Variants in HMGXB3 observed in about 807,000 individuals in gnomAD.
HMGXB3 encodes the protein HMG domain-containing protein 3.
Under a neutral mutation model 121.5 loss-of-function variants are expected in HMGXB3, and 45 were observed. That is an observed-to-expected ratio of 0.37 (90% CI 0.29 to 0.47). The LOEUF is 0.47. Among genes scored for constraint, HMGXB3 ranks in the 20% least tolerant of loss-of-function variants. The probability of loss-of-function intolerance (pLI) is 0.99; values close to 1 mark genes in which losing one functional copy is unlikely to be tolerated. For missense variants in HMGXB3, 1,376 were observed against 1,602.2 expected, an observed-to-expected ratio of 0.86 and a Z score of 2.41; for synonymous variants, 590 against 624.1, an observed-to-expected ratio of 0.95 and a Z score of 0.81.
intron 6 of HMGXB3, chr5:150,021,904 G>A (rs867220788): frequency 3.4e-5 from 17 of 507,094 alleles, no homozygotes; most frequent in African/African-American, 1.9e-4. Flanking sequence ...GTGTTTTTCC[G>A]GTGTCTTTAA....
intron 13 of HMGXB3, among the ~76,000 whole-genome samples, chr5:150,040,038 A>G (rs572767250): frequency 6.6e-6 from 1 of 152,356 alleles, no homozygotes; most frequent in East Asian, 1.9e-4. Flanking sequence ...CATGAGCTAA[A>G]GGATGCTCCT....
Position 150,052,172 on chromosome 5 carries a change from G to A in HMGXB3, c.3859G>A (p.Val1287Met), listed in dbSNP as rs758779104. The A allele has an allele frequency of 1.3e-6, 2 of 1,545,728 alleles. No individual in the cohort carries two copies. The highest frequency in any genetic ancestry group is 8.7e-7 in the Non-Finnish European group (1 of 1,143,572). The change falls in exon 20 of 20, where the codon GTG becomes ATG. Residue 1287 changes from valine (V) to methionine (M), a missense_variant. Transcript: ENST00000502717. ...AGAGGAGGAGGGTGAGGAAGAGGAG[G>A]TGGCCGCAGTGGCAGAATAAGCCAG... Reference protein sequence around the residue: ...ETEEEGEEEEVAAVAE With the variant: ...ETEEEGEEEEMAAVAE
chr5:150,016,507 C>T (rs924268345), intron 5 of HMGXB3, among the ~76,000 whole-genome samples: 3 of 152,184 alleles, frequency 2.0e-5, no homozygotes, highest in Non-Finnish European at 2.9e-5. Flanking sequence ...TTTGTTATTA[C>T]AAAATGACCT....
At chr5:150,046,102 G>A (rs891189281) in intron 16 of HMGXB3, among the ~76,000 whole-genome samples, 8 of 152,294 alleles carry the variant, frequency 5.3e-5, no homozygotes, top group South Asian at 4.1e-4. Context: ...CTGGACTAGC[G>A]GGTAAGAGGA....
intron 16 of HMGXB3, among the ~76,000 whole-genome samples, chr5:150,046,388 T>G (rs538777422): frequency 4.3e-4 from 65 of 152,318 alleles, no homozygotes; most frequent in African/African-American, 1.5e-3. Context: ...TGAAACAACA[T>G]TCCCAAAACA....
At chr5:150,027,169 T>A (rs553755783) in intron 9 of HMGXB3, 52 bp downstream of exon 9, 31 of 1,448,844 alleles carry the variant, frequency 2.1e-5, no homozygotes, top group Non-Finnish European at 2.8e-5. Context: ...GCTGCTTCCA[T>A]GTAATGTATC....
At chr5:150,031,230 C>T (rs1024210476) in intron 10 of HMGXB3, among the ~76,000 whole-genome samples, 8 of 152,180 alleles carry the variant, frequency 5.3e-5, no homozygotes, top group African/African-American at 9.7e-5. Context: ...CAGTTCAACA[C>T]GAGTATCTTA....
intron 6 of HMGXB3, among the ~76,000 whole-genome samples, chr5:150,023,525 C>T (rs1481819105): frequency 1.3e-5 from 2 of 152,166 alleles, no homozygotes; most frequent in African/African-American, 4.8e-5. Flanking sequence ...TATTTAAAAA[C>T]ATTTTTAAAA....
rs115789020 is a variant in HMGXB3, at chr5:150,051,580, C to T, written c.3412-145C>T. 301 of 636,168 alleles carry T rather than the reference C, an allele frequency of 4.7e-4. 1 individual carries two copies. Among genetic ancestry groups the T allele is most frequent in the African/African-American group, 4.1e-3 (225 of 54,690 alleles). 39.4% of individuals were successfully genotyped at this position (636,168 alleles called of 1,614,324 possible). On this transcript the variant is annotated intron_variant, in intron 19 of 19. Coordinates refer to ENST00000502717, the MANE Select transcript of HMGXB3 (RefSeq NM_014983.3). ...TCACATGAGGAAATGGAGGCACTGG[C>T]GGGCAGGGGTTGGCCTAGGAGACAC... is the stretch of plus-strand genomic sequence containing the variant.
At chr5:150,051,268 T>C (rs1428981925) in intron 19 of HMGXB3, among the ~76,000 whole-genome samples, 3 of 152,022 alleles carry the variant, frequency 2.0e-5, no homozygotes, top group African/African-American at 7.3e-5. Flanking sequence ...TCAGAACTGA[T>C]AATTAGGAAG....
rs1756963407 is a variant in HMGXB3, at chr5:150,052,805, T to TCCTC, written c.*614_*617dup. 1 of 152,910 alleles carries TCCTC rather than the reference T, an allele frequency of 6.5e-6. No individual in the cohort carries two copies. The highest frequency in any genetic ancestry group is 6.5e-5 in the Admixed American group (1 of 15,334). 9.5% of individuals were successfully genotyped at this position (152,910 alleles called of 1,614,324 possible). A position where few individuals can be genotyped will look rare whatever the true frequency, so the allele number is the denominator to read the frequency against. Reference sequence around the variant, plus strand: ...CAGCCACAGCTCTCTTCCAGCACTGTCCTCTCCACCCCAAGCTTTGAGGAA... The same window carrying TCCTC: ...CAGCCACAGCTCTCTTCCAGCACTGTCCTCCCTCTCCACCCCAAGCTTTGAGGAA... On this transcript the variant is annotated 3_prime_UTR_variant, in exon 20 of 20. Transcript: ENST00000502717.
chr5:150,025,630 C>T (rs982181763), intron 7 of HMGXB3, among the ~76,000 whole-genome samples: 3 of 151,922 alleles, frequency 2.0e-5, no homozygotes, highest in African/African-American at 4.8e-5. Flanking sequence ...TGCAGTGGTG[C>T]GAACACAGCT....
Position 150,018,592 on chromosome 5 carries a change from TG to T in HMGXB3, c.939del (p.Thr314HisfsTer27). 6.5e-7 allele frequency: 1 copy of T among 1,549,886 alleles called. No homozygotes were observed. Among genetic ancestry groups the T allele is most frequent in the Non-Finnish European group, 8.7e-7 (1 of 1,146,170 alleles). Reference protein sequence around the residue: ...LTTTYTRRGHGTCTSPGCSFT... With the variant: ...LTTTYTRRGHXTCTSPGCSFT... ...CCACTACATATACCCGCCGGGGCCA[TG>T]GGACATGCACCAGCCCAGGGTGCTC... On this transcript the variant is annotated frameshift_variant, in exon 6 of 20. Coordinates refer to ENST00000502717, the MANE Select transcript of HMGXB3 (RefSeq NM_014983.3).
chr5:150,022,408 C>T (rs1227487817), intron 6 of HMGXB3, among the ~76,000 whole-genome samples: 1 of 152,186 alleles, frequency 6.6e-6, no homozygotes, highest in Admixed American at 6.5e-5. Context: ...CTGTTTAGCT[C>T]AAGGCTTCAT....
In HMGXB3 at chr5:150,052,130, C is replaced by T; in HGVS notation, c.3817C>T (p.Gln1273Ter). 1 of 1,551,344 alleles carries T rather than the reference C, an allele frequency of 6.4e-7. No individual in the cohort carries two copies. Among genetic ancestry groups the T allele is most frequent in the Non-Finnish European group, 8.7e-7 (1 of 1,146,884 alleles). Residue 1273 changes from glutamine to a stop codon, truncating the protein, a stop_gained, in exon 20 of 20, where the codon CAG (glutamine) becomes TAG (stop). Coordinates refer to ENST00000502717, the MANE Select transcript of HMGXB3 (RefSeq NM_014983.3). LOFTEE classifies it high-confidence loss of function. ...CACCCTCTACCGCCTTGGGGTTGCT[C>T]AGATCAAGACAGAGACAGAGGAGGA... ...RDTLYRLGVAQIKTETEEEGE... is the reference protein window; with the variant it reads ...RDTLYRLGVA
chr5:150,051,111 G>T (rs1325318400), intron 19 of HMGXB3, among the ~76,000 whole-genome samples: 1 of 152,214 alleles, frequency 6.6e-6, no homozygotes, highest in East Asian at 1.9e-4. Context: ...GCCCAGAGGA[G>T]GAAATGGACT....
At chr5:150,011,776 G>C (rs1011845240) in intron 4 of HMGXB3, among the ~76,000 whole-genome samples, 12 of 150,630 alleles carry the variant, frequency 8.0e-5, no homozygotes, top group Non-Finnish European at 1.8e-4. Flanking sequence ...GCTAATTTTT[G>C]TATTTTTTTT....
Position 150,052,242 on chromosome 5 carries a change from C to T in HMGXB3, c.*50C>T, listed in dbSNP as rs892575142. On this transcript the variant is annotated 3_prime_UTR_variant, in exon 20 of 20. Transcript: ENST00000502717. ...ACCATCTCTCAAGCCATAGTAAGGC[C>T]CTTGCCTGAGGCAGAGCTATCCAGG... is the stretch of plus-strand genomic sequence containing the variant. 2.8e-6 allele frequency: 4 copies of T among 1,415,474 alleles called. No homozygotes were observed. Among genetic ancestry groups the T allele is most frequent in the African/African-American group, 2.8e-5 (2 of 70,714 alleles). 87.7% of individuals were successfully genotyped at this position (1,415,474 alleles called of 1,614,324 possible).
chr5:150,027,872 T>C (rs902338234), intron 9 of HMGXB3, among the ~76,000 whole-genome samples: 35 of 152,240 alleles, frequency 2.3e-4, no homozygotes, highest in African/African-American at 8.0e-4. Flanking sequence ...AATATTCTTT[T>C]ACTGAAACAT....
Sources: allele counts gnomAD v4.1 joint callset (sites outside exome capture counted in the v4.1 genomes callset), GRCh38; gene constraint gnomAD v4.1.1; transcripts MANE v1.5; gene names NCBI Gene and HGNC (gene_info 2026-07-23, HGNC 2026-07-21).